IQSEC1: variants seen among roughly 807,000 people sequenced by gnomAD.
The protein encoded by IQSEC1 is IQ motif and Sec7 domain ArfGEF 1.
A neutral mutation model predicts 91.0 loss-of-function variants in IQSEC1; 31 were observed. That is an observed-to-expected ratio of 0.34 (90% CI 0.26 to 0.46). IQSEC1 has a LOEUF of 0.46. Ranked by LOEUF, IQSEC1 falls within the 20% of genes least tolerant of loss-of-function variation. IQSEC1 has a pLI of 1.00. For missense variants in IQSEC1, 1,388 were observed against 1,575.6 expected, an observed-to-expected ratio of 0.88 and a Z score of 2.02; for synonymous variants, 699 against 662.6, an observed-to-expected ratio of 1.05 and a Z score of -0.84.
intron 1 of IQSEC1, among the ~76,000 whole-genome samples, chr3:13,274,032 T>C (rs1258883713): frequency 6.6e-6 from 1 of 152,146 alleles, no homozygotes; most frequent in Non-Finnish European, 1.5e-5. Context: ...GAGAGGTGCA[T>C]TTCACATGCC....
intron 2 of IQSEC1, among the ~76,000 whole-genome samples, chr3:13,087,001 A>T (rs1388192645): frequency 6.6e-6 from 1 of 152,194 alleles, no homozygotes; most frequent in Admixed American, 6.5e-5. Context: ...TTGCCAACCA[A>T]ACGAATGAAT....
intron 1 of IQSEC1, among the ~76,000 whole-genome samples, chr3:13,031,891 AGAACTTCATGAG>A (rs1313358082): frequency 6.6e-6 from 1 of 152,114 alleles, no homozygotes; most frequent in African/African-American, 2.4e-5. Context: ...TCTAGGGTAG[AGAACTTCATGAG>A]CCCCTGCAGC....
chr3:13,061,446 G>C (rs1372845854), intron 1 of IQSEC1, among the ~76,000 whole-genome samples: 1 of 152,194 alleles, frequency 6.6e-6, no homozygotes, highest in Non-Finnish European at 1.5e-5. Context: ...TCGTTTATAG[G>C]TCCCAGTTGG....
chr3:13,269,164 C>G (rs916002865), intron 1 of IQSEC1, among the ~76,000 whole-genome samples: 3 of 152,192 alleles, frequency 2.0e-5, no homozygotes, highest in African/African-American at 7.2e-5. Context: ...CACTTGGCCA[C>G]CGGCTCAGGG....
chr3:13,006,394 C>T (rs1361475549), intron 1 of IQSEC1, among the ~76,000 whole-genome samples: 1 of 152,054 alleles, frequency 6.6e-6, no homozygotes, highest in African/African-American at 2.4e-5. Context: ...ATTGTGGGGG[C>T]CATGTGGAGG....
chr3:12,967,988 C>CACTG lies in IQSEC1; in HGVS notation c.24-26127_24-26124dup, dbSNP rs1298557813. Reference sequence around the variant, plus strand: ...CAGAGCGCAAGGGCGGAGTCCCAGACACTGCATCCAGGTCCCAGCGCGCGA... The same window carrying CACTG: ...CAGAGCGCAAGGGCGGAGTCCCAGACACTGACTGCATCCAGGTCCCAGCGCGCGA... On this transcript the variant is annotated intron_variant, in intron 1 of 13. Transcript: ENST00000613206. This position sits in a 1 kb window ranked among gnomAD's most constrained non-coding sequence, Gnocchi z 5.9. Among the ~76,000 whole-genome samples, 2 of 152,204 alleles carry CACTG rather than the reference C, an allele frequency of 1.3e-5. No individual in the cohort carries two copies. The highest frequency in any genetic ancestry group is 4.8e-5 in the African/African-American group (2 of 41,440).
At chr3:13,089,640 C>A (rs1705803112) in intron 2 of IQSEC1, among the ~76,000 whole-genome samples, 1 of 152,088 alleles carries the variant, frequency 6.6e-6, no homozygotes, top group Non-Finnish European at 1.5e-5. Context: ...CATGGATAAA[C>A]CTTGGAAACA....
At chr3:13,066,164 C>T (rs942254793) in intron 1 of IQSEC1, among the ~76,000 whole-genome samples, 11 of 152,130 alleles carry the variant, frequency 7.2e-5, no homozygotes, top group Admixed American at 2.6e-4. Context: ...GTTGGCTGCA[C>T]GGCACTGTGA....
chr3:13,017,392 G>C (rs1703186211), intron 1 of IQSEC1, among the ~76,000 whole-genome samples: 1 of 152,176 alleles, frequency 6.6e-6, no homozygotes. Context: ...CAAACTACTT[G>C]CTGATCAGCG....
At chr3:13,219,175 A>C (rs1227592863) in intron 1 of IQSEC1, among the ~76,000 whole-genome samples, 1 of 152,030 alleles carries the variant, frequency 6.6e-6, no homozygotes, top group Non-Finnish European at 1.5e-5. Context: ...AACCCTCCAA[A>C]AGCTCAGTCC....
chr3:12,973,532 C>G (rs2125552838), intron 1 of IQSEC1, among the ~76,000 whole-genome samples: 1 of 152,306 alleles, frequency 6.6e-6, no homozygotes, highest in East Asian at 1.9e-4. Flanking sequence ...TCCTGTGTAA[C>G]TGGCCTGGTT....
At chr3:13,157,442 G>A (rs905426660) in intron 2 of IQSEC1, among the ~76,000 whole-genome samples, 1 of 152,174 alleles carries the variant, frequency 6.6e-6, no homozygotes, top group African/African-American at 2.4e-5. Flanking sequence ...AGCAGGCTGA[G>A]GGTATCCAGA....
intron 3 of IQSEC1, among the ~76,000 whole-genome samples, chr3:12,927,163 C>T (rs1050434178): frequency 3.9e-5 from 6 of 152,294 alleles, no homozygotes; most frequent in South Asian, 4.1e-4. Context: ...GGTGAGGGGT[C>T]GCCATGGCTC....
At chr3:13,261,985 C>T (rs1046354535) in intron 1 of IQSEC1, among the ~76,000 whole-genome samples, 2 of 152,256 alleles carry the variant, frequency 1.3e-5, no homozygotes, top group Non-Finnish European at 2.9e-5. Flanking sequence ...GGAAAATAGG[C>T]AGCTCCTGTA....
chr3:12,904,695 A>G (rs1055328523), intron 12 of IQSEC1, among the ~76,000 whole-genome samples: 52 of 152,124 alleles, frequency 3.4e-4, no homozygotes, highest in Non-Finnish European at 7.3e-5. Context: ...AGGTTTTCAA[A>G]TCAGCTCTCT....
At chr3:13,007,870 A>G (rs1559715167) in intron 1 of IQSEC1, among the ~76,000 whole-genome samples, 1 of 150,134 alleles carries the variant, frequency 6.7e-6, no homozygotes. Context: ...CCCAGAGTCC[A>G]GAGCCCCCAG....
chr3:12,958,642 T>C (rs141876475), intron 1 of IQSEC1, among the ~76,000 whole-genome samples: 51 of 152,298 alleles, frequency 3.3e-4, no homozygotes, highest in African/African-American at 1.1e-3. Context: ...TGAAGGAACA[T>C]AGACCATCTG....
intron 2 of IQSEC1, among the ~76,000 whole-genome samples, chr3:13,129,655 ATTT>A (rs35069619): frequency 1.7e-5 from 2 of 118,330 alleles, no homozygotes; most frequent in Non-Finnish European, 1.7e-5. Flanking sequence ...CATCTTATGA[ATTT>A]TTTTTTTTTT....
At chr3:13,200,270 A>C (rs866276408) in intron 1 of IQSEC1, among the ~76,000 whole-genome samples, 2 of 149,236 alleles carry the variant, frequency 1.3e-5, no homozygotes, top group Non-Finnish European at 3.0e-5. Context: ...ACACACACAC[A>C]CCACACACAC....
Sources: allele counts gnomAD v4.1 joint callset (sites outside exome capture counted in the v4.1 genomes callset), GRCh38; gene constraint gnomAD v4.1.1; non-coding constraint Gnocchi (gnomAD v3.1); transcripts MANE v1.5; gene names NCBI Gene and HGNC (gene_info 2026-07-23, HGNC 2026-07-21).